The following ZNF532 variants were observed in gnomAD, a reference collection of about 807,000 sequenced individuals.
ZNF532 encodes zinc finger protein 532.
A neutral mutation model predicts 89.3 loss-of-function variants in ZNF532; 22 were observed. That is an observed-to-expected ratio of 0.25 (90% CI 0.18 to 0.35). The LOEUF (loss-of-function observed/expected upper bound fraction) is 0.35, where lower values mean the gene tolerates loss of function less well. Ranked by LOEUF, ZNF532 falls within the 10% of genes least tolerant of loss-of-function variation. The probability of loss-of-function intolerance (pLI) is 1.00; values close to 1 mark genes in which losing one functional copy is unlikely to be tolerated. For synonymous variants in ZNF532, 606 were observed against 649.6 expected, an observed-to-expected ratio of 0.93 and a Z score of 1.02; for missense variants, 1,132 against 1,643.4, an observed-to-expected ratio of 0.69 and a Z score of 5.38.
At chr18:58,898,256 C>T (rs969367998) in intron 2 of ZNF532, among the ~76,000 whole-genome samples, 4 of 152,144 alleles carry the variant, frequency 2.6e-5, no homozygotes, top group Admixed American at 1.3e-4. Flanking sequence ...TCACTAGCCA[C>T]GTGTCCTTGA....
chr18:58,912,488 G>A (rs915891883), intron 2 of ZNF532, among the ~76,000 whole-genome samples: 1 of 152,166 alleles, frequency 6.6e-6, no homozygotes, highest in African/African-American at 2.4e-5. Context: ...GCTGAGAGGG[G>A]GCAGAGTGTG....
chr18:58,892,035 A>G (rs1348019687), intron 2 of ZNF532, among the ~76,000 whole-genome samples: 1 of 152,250 alleles, frequency 6.6e-6, no homozygotes, highest in Non-Finnish European at 1.5e-5. Context: ...CTTGATGGAT[A>G]GAGTGACAGA....
chr18:58,871,691 G>A (rs1271224689), intron 2 of ZNF532, among the ~76,000 whole-genome samples: 7 of 152,206 alleles, frequency 4.6e-5, no homozygotes, highest in East Asian at 3.8e-4. Context: ...GACTGCCAGC[G>A]TGAGAATATG....
intron 7 of ZNF532, among the ~76,000 whole-genome samples, chr18:58,975,754 A>C (rs2066979343): frequency 6.6e-6 from 1 of 152,244 alleles, no homozygotes. Context: ...TATGTTAAAA[A>C]CTTTGGAAAC....
chr18:58,889,423 T>C (rs1462098305), intron 2 of ZNF532, among the ~76,000 whole-genome samples: 2 of 152,258 alleles, frequency 1.3e-5, no homozygotes, highest in Non-Finnish European at 2.9e-5. Context: ...TAAAATACAG[T>C]TAGTAAGAAA....
intron 5 of ZNF532, among the ~76,000 whole-genome samples, chr18:58,945,176 C>T (rs1455076830): frequency 1.3e-5 from 2 of 152,196 alleles, no homozygotes; most frequent in Non-Finnish European, 2.9e-5. Flanking sequence ...GTCCCCTGTT[C>T]TCATGTCTTT....
At chr18:58,884,979 G>GTTTTTTTTTTTTTT (rs34689408) in intron 2 of ZNF532, among the ~76,000 whole-genome samples, 4 of 138,104 alleles carry the variant, frequency 2.9e-5, no homozygotes, top group Non-Finnish European at 4.7e-5. Flanking sequence ...CAGTACAAGG[G>GTTTTTTTTTTTTTT]TTTTTTTTTT....
At chr18:58,936,994 A>G (rs2062532613) in intron 4 of ZNF532, among the ~76,000 whole-genome samples, 1 of 151,968 alleles carries the variant, frequency 6.6e-6, no homozygotes, top group African/African-American at 2.4e-5. Flanking sequence ...CTCATATTAC[A>G]TCTCCCAAAT....
chr18:58,917,068 C>G (rs917042071), intron 2 of ZNF532, among the ~76,000 whole-genome samples: 1 of 152,198 alleles, frequency 6.6e-6, no homozygotes, highest in African/African-American at 2.4e-5. Flanking sequence ...AGCTGCTACC[C>G]TCTTCCCTTC....
intron 2 of ZNF532, among the ~76,000 whole-genome samples, chr18:58,880,943 T>C (rs558010569): frequency 6.6e-6 from 1 of 152,238 alleles, no homozygotes; most frequent in East Asian, 1.9e-4. Flanking sequence ...GGCTCAGAAT[T>C]TTAAAAAAAT....
intron 7 of ZNF532, among the ~76,000 whole-genome samples, chr18:58,971,975 G>A (rs1478688182): frequency 1.3e-5 from 2 of 152,176 alleles, no homozygotes; most frequent in African/African-American, 2.4e-5. Flanking sequence ...AGGCTGAGGC[G>A]GGTAGATCAC....
Position 58,986,368 on chromosome 18 carries a change from A to G in ZNF532, c.*1902A>G, listed in dbSNP as rs957377571. 1.3e-5 allele frequency: 2 copies of G among 152,672 alleles called. No homozygotes were observed. The highest frequency in any genetic ancestry group is 4.8e-5 in the African/African-American group (2 of 41,464). 9.5% of individuals were successfully genotyped at this position (152,672 alleles called of 1,614,324 possible). On this transcript the variant is annotated 3_prime_UTR_variant, in exon 10 of 10. Transcript: ENST00000591808. Reference sequence around the variant, plus strand: ...CCTCATAGCTGGTAAGTGGCTTTGCATATTAGAACCCAAATATTTTGCTCT... The same window carrying G: ...CCTCATAGCTGGTAAGTGGCTTTGCGTATTAGAACCCAAATATTTTGCTCT...
chr18:58,932,965 A>AATGTGCAAGTTTACCCAAGTAAAT (rs1416300279), intron 3 of ZNF532, among the ~76,000 whole-genome samples: 1 of 152,140 alleles, frequency 6.6e-6, no homozygotes, highest in Non-Finnish European at 1.5e-5. Flanking sequence ...TTCCCAAGTA[A>AATGTGCAAGTTTACCCAAGTAAAT]GTGCAAGACA....
chr18:58,947,162 G>A (rs911929088), intron 5 of ZNF532, among the ~76,000 whole-genome samples: 16 of 152,150 alleles, frequency 1.1e-4, no homozygotes, highest in African/African-American at 3.9e-4. Flanking sequence ...CCTCTCCTAT[G>A]TGCCAGGGTG....
intron 6 of ZNF532, among the ~76,000 whole-genome samples, chr18:58,951,646 G>GTTTTTTTTTTTGGT (rs760650267): frequency 0.019 from 1,374 of 72,518 alleles, 54 homozygotes; most frequent in Non-Finnish European, 0.024. Context: ...TCGCCCTGTT[G>GTTTTTTTTTTTGGT]TTTTTTTTTT....
intron 9 of ZNF532, among the ~76,000 whole-genome samples, chr18:58,982,909 C>T (rs4940780): frequency 0.16 from 24,232 of 152,028 alleles, 2,723 homozygotes; most frequent in East Asian, 0.57. Context: ...GTCAGGAGTT[C>T]GAGACCAGCC....
chr18:58,949,046 G>C (rs1457730744), intron 6 of ZNF532, among the ~76,000 whole-genome samples: 1 of 146,860 alleles, frequency 6.8e-6, no homozygotes, highest in Non-Finnish European at 1.5e-5. Context: ...TTTTTTTTCT[G>C]TAAAGATTGC....
chr18:58,914,100 C>T (rs1324366265), intron 2 of ZNF532, among the ~76,000 whole-genome samples: 6 of 152,142 alleles, frequency 3.9e-5, no homozygotes, highest in Admixed American at 3.3e-4. Context: ...ATAGGTTTTT[C>T]TTACGTTTTT....
At chr18:58,916,821 C>T (rs1032358027) in intron 2 of ZNF532, 88 of 696,042 alleles carry the variant, frequency 1.3e-4, no homozygotes, top group Non-Finnish European at 1.5e-4. Context: ...AGTAGAAATT[C>T]TCTCTTGACC....
Sources: gnomAD v4.1 joint callset for allele counts (sites outside exome capture counted in the v4.1 genomes callset) on GRCh38, gnomAD v4.1.1 for gene constraint, MANE v1.5 for transcripts, NCBI Gene and HGNC (gene_info 2026-07-23, HGNC 2026-07-21) for gene names.